DLGAP2: variants seen among roughly 807,000 people sequenced by gnomAD.
DLGAP2 encodes disks large-associated protein 2.
Under a neutral mutation model 100.3 loss-of-function variants are expected in DLGAP2, and 26 were observed. The observed-to-expected ratio is 0.26, with a 90% CI of 0.19 to 0.36. The LOEUF is 0.36. Among genes scored for constraint, DLGAP2 ranks in the 10% least tolerant of loss-of-function variants. DLGAP2 has a pLI of 1.00. For missense variants in DLGAP2, 1,858 were observed against 1,453.2 expected, an observed-to-expected ratio of 1.28 and a Z score of -4.53; for synonymous variants, 886 against 630.1, an observed-to-expected ratio of 1.41 and a Z score of -6.08.
chr8:828,705 G>A (rs1796727734), intron 1 of DLGAP2, among the ~76,000 whole-genome samples: 1 of 152,212 alleles, frequency 6.6e-6, no homozygotes, highest in Admixed American at 6.5e-5. Flanking sequence ...GAAGTGATAA[G>A]TGTCCATGAA....
Position 868,579 on chromosome 8 carries a change from C to G in DLGAP2, c.19-39333C>G, listed in dbSNP as rs1386488018. Among the ~76,000 whole-genome samples the G allele has an allele frequency of 2.6e-5, 4 of 152,382 alleles. No individual in the cohort carries two copies. In the East Asian group the frequency reaches 7.7e-4, roughly 29 times the overall value. On this transcript the variant is annotated intron_variant, in intron 1 of 14. Transcript: ENST00000637795. ...TCACTAATCCAGAAAAAGTGTCCAT[C>G]ATCTCTGAGATGATCTAAAGAAGAG...
intron 1 of DLGAP2, among the ~76,000 whole-genome samples, chr8:759,104 C>G (rs1820999139): frequency 9.4e-6 from 1 of 106,264 alleles, no homozygotes; most frequent in Non-Finnish European, 2.2e-5. Flanking sequence ...TATCAATACC[C>G]CCGACAGCCT....
At chr8:1,203,464 C>G (rs1329610172) in intron 2 of DLGAP2, among the ~76,000 whole-genome samples, 2 of 152,144 alleles carry the variant, frequency 1.3e-5, no homozygotes, top group Non-Finnish European at 2.9e-5. Flanking sequence ...AGGAGGCCTC[C>G]CCAAAGTGCC....
chr8:1,175,569 C>A (rs1437829626), intron 2 of DLGAP2, among the ~76,000 whole-genome samples: 1 of 152,156 alleles, frequency 6.6e-6, no homozygotes, highest in Non-Finnish European at 1.5e-5. Context: ...CTATATGCGA[C>A]TCCATTAGGA....
At chr8:1,687,875 G>T (rs1799155450) in intron 12 of DLGAP2, among the ~76,000 whole-genome samples, 1 of 152,096 alleles carries the variant, frequency 6.6e-6, no homozygotes, top group Admixed American at 6.5e-5. Context: ...CTGCAGCAAC[G>T]ACTTACTTAA....
At chr8:1,295,462 C>T (rs1244654640) in intron 3 of DLGAP2, among the ~76,000 whole-genome samples, 1 of 152,110 alleles carries the variant, frequency 6.6e-6, no homozygotes, top group Non-Finnish European at 1.5e-5. Context: ...AGGCTGTGGG[C>T]CCCCAGCCAC....
At chr8:843,123 G>A (rs1412898331) in intron 1 of DLGAP2, among the ~76,000 whole-genome samples, 4 of 152,184 alleles carry the variant, frequency 2.6e-5, no homozygotes, top group Admixed American at 6.5e-5. Context: ...CAGGATGATA[G>A]CTTTCTGTTG....
chr8:889,070 A>T (rs1434271940), intron 1 of DLGAP2, among the ~76,000 whole-genome samples: 1 of 152,170 alleles, frequency 6.6e-6, no homozygotes, highest in African/African-American at 2.4e-5. Context: ...TGGCGGGCAG[A>T]CTGGAGGTCA....
At chr8:1,123,480 G>A (rs567312696) in intron 2 of DLGAP2, among the ~76,000 whole-genome samples, 1 of 152,226 alleles carries the variant, frequency 6.6e-6, no homozygotes, top group African/African-American at 2.4e-5. Flanking sequence ...TATTTTCCAA[G>A]CACACATATC....
At chr8:1,059,872 C>T (rs966643700) in intron 2 of DLGAP2, among the ~76,000 whole-genome samples, 9 of 152,068 alleles carry the variant, frequency 5.9e-5, no homozygotes, top group African/African-American at 1.4e-4. Flanking sequence ...GAGTCGGGGG[C>T]GGTCGCGATG....
intron 3 of DLGAP2, among the ~76,000 whole-genome samples, chr8:1,350,349 A>C (rs79071953): frequency 5.4e-5 from 2 of 37,120 alleles, no homozygotes; most frequent in African/African-American, 1.9e-4. Context: ...GGGTCCTGAC[A>C]GTGTGTGGAA....
chr8:1,208,810 G>C (rs772360165), intron 2 of DLGAP2, among the ~76,000 whole-genome samples: 1 of 151,824 alleles, frequency 6.6e-6, no homozygotes, highest in Non-Finnish European at 1.5e-5. Flanking sequence ...TAGAACAATA[G>C]TGACGGAGCT....
At chr8:908,889 G>A (rs966795910) in intron 2 of DLGAP2, among the ~76,000 whole-genome samples, 2 of 152,132 alleles carry the variant, frequency 1.3e-5, no homozygotes, top group Non-Finnish European at 2.9e-5. Flanking sequence ...CTATAACAAG[G>A]TAATTACAAA....
intron 6 of DLGAP2, among the ~76,000 whole-genome samples, chr8:1,600,010 C>T (rs186002500): frequency 2.5e-3 from 381 of 152,116 alleles, no homozygotes; most frequent in African/African-American, 8.8e-3. Flanking sequence ...TGGCTGGTAC[C>T]GGTTTTTGCT....
intron 2 of DLGAP2, among the ~76,000 whole-genome samples, chr8:1,047,865 A>G (rs1202066097): frequency 6.6e-6 from 1 of 152,194 alleles, no homozygotes; most frequent in Non-Finnish European, 1.5e-5. Context: ...AATCTATCGC[A>G]GCATCCTTGT....
intron 3 of DLGAP2, among the ~76,000 whole-genome samples, chr8:1,349,657 G>GAGGAA (rs1801660677): frequency 1.7e-5 from 1 of 60,168 alleles, no homozygotes; most frequent in East Asian, 8.1e-4. Flanking sequence ...CAGGTAGGAA[G>GAGGAA]GGGTGTTTGA....
chr8:1,022,062 T>C (rs1338272143), intron 2 of DLGAP2, among the ~76,000 whole-genome samples: 1 of 152,194 alleles, frequency 6.6e-6, no homozygotes, highest in Non-Finnish European at 1.5e-5. Flanking sequence ...GCAAAGAGCA[T>C]GTTGGTTGTC....
chr8:1,481,579 A>T (rs1264400710), intron 3 of DLGAP2, among the ~76,000 whole-genome samples: 1 of 143,546 alleles, frequency 7.0e-6, no homozygotes, highest in Non-Finnish European at 1.5e-5. Flanking sequence ...CCCAGGTTGA[A>T]GTGATTCTAC....
chr8:1,362,631 G>A (rs183031807), intron 3 of DLGAP2, among the ~76,000 whole-genome samples: 114 of 152,234 alleles, frequency 7.5e-4, no homozygotes, highest in South Asian at 2.7e-3. Flanking sequence ...CACCAGCACC[G>A]TCCTCAGCTT....
Sources: allele counts gnomAD v4.1 joint callset (sites outside exome capture counted in the v4.1 genomes callset), GRCh38; gene constraint gnomAD v4.1.1; transcripts MANE v1.5; gene names NCBI Gene and HGNC (gene_info 2026-07-23, HGNC 2026-07-21).